The following SERINC5 variants were observed in gnomAD, a reference collection of about 807,000 sequenced individuals.
SERINC5 encodes serine incorporator 5.
A neutral mutation model predicts 63.1 loss-of-function variants in SERINC5; 41 were observed. The ratio of observed to expected loss-of-function variants is 0.65; its 90% CI spans 0.51 to 0.84. The LOEUF is 0.84. Among genes scored for constraint, SERINC5 ranks in the 40% least tolerant of loss-of-function variants. The pLI, the probability that SERINC5 is intolerant of heterozygous loss-of-function variation, is 0.00. For missense variants in SERINC5, 523 were observed against 573.0 expected (o/e 0.91, Z 0.89); for synonymous variants, 222 against 215.2 (o/e 1.03, Z -0.28).
chr5:80,209,462 C>G (rs1750331316), intron 1 of SERINC5, among the ~76,000 whole-genome samples: 1 of 152,162 alleles, frequency 6.6e-6, no homozygotes, highest in Non-Finnish European at 1.5e-5. Context: ...CTGGCCTTCA[C>G]AAGTGAGAAG....
In SERINC5 at chr5:80,202,383, G is replaced by A. The variant is rs79833683; in HGVS notation, c.195+503C>T. ...ACACAATCGTCTGACATAAACAGAC[G>A]ATTGTGATGGACAATGATGTGTCCA... On this transcript the variant is annotated intron_variant, in intron 2 of 11. Coordinates refer to ENST00000507668, the MANE Select transcript of SERINC5 (RefSeq NM_001174072.3). Among the ~76,000 whole-genome samples, 12 of 152,216 alleles carry A rather than the reference G, an allele frequency of 7.9e-5. No homozygotes were observed. The East Asian group carries it at 2.1e-3, about 27-fold the overall frequency.
intron 1 of SERINC5, among the ~76,000 whole-genome samples, chr5:80,220,239 G>C (rs1246749616): frequency 6.6e-6 from 1 of 151,560 alleles, no homozygotes; most frequent in Non-Finnish European, 1.5e-5. Flanking sequence ...AAAAGAGAGA[G>C]AGAGATAGAA....
chr5:80,161,502 GA>G (rs373399901), intron 7 of SERINC5, among the ~76,000 whole-genome samples: 2 of 151,586 alleles, frequency 1.3e-5, no homozygotes, highest in Non-Finnish European at 2.9e-5. Context: ...GTCTTCTTTA[GA>G]AAAAAAATGA....
chr5:80,169,629 C>T (rs1246793352), intron 5 of SERINC5, 83 bp from the exon 6 acceptor site: 6 of 1,084,938 alleles, frequency 5.5e-6, no homozygotes, highest in Non-Finnish European at 8.2e-6. Context: ...CAGTCACCAT[C>T]CCTCAGGCAG....
chr5:80,133,670 G>T (rs755373696), intron 11 of SERINC5, among the ~76,000 whole-genome samples: 8 of 152,160 alleles, frequency 5.3e-5, no homozygotes, highest in Non-Finnish European at 8.8e-5. Context: ...ACCGCCCAAC[G>T]AATTTTCCTT....
intron 11 of SERINC5, among the ~76,000 whole-genome samples, chr5:80,118,898 T>C (rs913702531): frequency 2.6e-5 from 4 of 151,872 alleles, no homozygotes; most frequent in African/African-American, 7.3e-5. Context: ...GAACTAATCA[T>C]CTCCCAAATA....
intron 1 of SERINC5, among the ~76,000 whole-genome samples, chr5:80,238,939 C>A (rs1432523183): frequency 4.6e-5 from 7 of 152,214 alleles, no homozygotes; most frequent in Non-Finnish European, 1.0e-4. Context: ...CTCATTCACG[C>A]TCTCGTCATT....
intron 7 of SERINC5, among the ~76,000 whole-genome samples, chr5:80,160,982 G>A (rs200258985): frequency 1.5e-5 from 2 of 132,988 alleles, no homozygotes; most frequent in Non-Finnish European, 3.2e-5. Flanking sequence ...ATGTATATAT[G>A]TGTGTATATG....
intron 11 of SERINC5, among the ~76,000 whole-genome samples, chr5:80,124,397 G>T (rs1348371779): frequency 1.3e-5 from 2 of 152,174 alleles, no homozygotes; most frequent in East Asian, 3.9e-4. Context: ...GCCTTTAAGT[G>T]TCTGCCAAAC....
intron 7 of SERINC5, among the ~76,000 whole-genome samples, chr5:80,160,855 A>G (rs1218869752): frequency 6.6e-6 from 1 of 151,918 alleles, no homozygotes; most frequent in Non-Finnish European, 1.5e-5. Context: ...TGTTGCTACA[A>G]AAGACAGGAT....
At chr5:80,230,459 A>G (rs2897062) in intron 1 of SERINC5, among the ~76,000 whole-genome samples, 35 of 128,602 alleles carry the variant, frequency 2.7e-4, no homozygotes, top group South Asian at 2.7e-3. Flanking sequence ...AAAAAAAAAA[A>G]AAAGAAACCA....
At chr5:80,152,205 T>C (rs1746234506) in intron 8 of SERINC5, among the ~76,000 whole-genome samples, 1 of 152,104 alleles carries the variant, frequency 6.6e-6, no homozygotes, top group South Asian at 2.1e-4. Flanking sequence ...TAATCCGACA[T>C]TTAAGAGTGG....
At chr5:80,209,858 G>C (rs1241049252) in intron 1 of SERINC5, among the ~76,000 whole-genome samples, 1 of 151,984 alleles carries the variant, frequency 6.6e-6, no homozygotes, top group African/African-American at 2.4e-5. Context: ...GCCCAGCCGG[G>C]GTAACATGGC....
chr5:80,124,286 C>T (rs1000589331), intron 11 of SERINC5, among the ~76,000 whole-genome samples: 1 of 152,222 alleles, frequency 6.6e-6, no homozygotes, highest in African/African-American at 2.4e-5. Flanking sequence ...GCATGCCGCA[C>T]TTCTAGCTGG....
intron 1 of SERINC5, among the ~76,000 whole-genome samples, chr5:80,248,858 G>T (rs186460237): frequency 6.0e-4 from 92 of 152,314 alleles, no homozygotes; most frequent in African/African-American, 2.0e-3. Flanking sequence ...TAAAGAAAAT[G>T]TTGAAAATGA....
chr5:80,253,115 A>G (rs1348458411), intron 1 of SERINC5, among the ~76,000 whole-genome samples: 1 of 152,166 alleles, frequency 6.6e-6, no homozygotes, highest in Non-Finnish European at 1.5e-5. Context: ...TCAGGCCAGA[A>G]ACCGAGCCTG....
At position 80,143,288 on chromosome 5, in the gene SERINC5, T is replaced by A; in HGVS notation, c.*375A>T. ...GCTGGGGACTCAAGATTTTGGCATG[T>A]TTTTCTATTCCGAGGATGAGAATGA... On this transcript the variant is annotated 3_prime_UTR_variant, in exon 12 of 12. Coordinates refer to ENST00000507668, the MANE Select transcript of SERINC5 (RefSeq NM_001174072.3). The A allele has an allele frequency of 9.9e-7, 1 of 1,005,368 alleles. No individual in the cohort carries two copies. The highest frequency in any genetic ancestry group is 1.2e-6 in the Non-Finnish European group (1 of 842,484). 62.3% of individuals were successfully genotyped at this position (1,005,368 alleles called of 1,614,324 possible).
chr5:80,222,569 AGT>A (rs1014120974), intron 1 of SERINC5, among the ~76,000 whole-genome samples: 9 of 132,150 alleles, frequency 6.8e-5, no homozygotes, highest in South Asian at 2.5e-4. Flanking sequence ...TGAGTGTGTG[AGT>A]GTGTGTGTGT....
chr5:80,129,037 ACT>A (rs1286327923), intron 11 of SERINC5: 1 of 152,228 alleles, frequency 6.6e-6, no homozygotes, highest in Admixed American at 6.5e-5. Context: ...CCAGAAAGAC[ACT>A]GATTGTCCAG....
Sources: allele counts gnomAD v4.1 joint callset (sites outside exome capture counted in the v4.1 genomes callset), GRCh38; gene constraint gnomAD v4.1.1; transcripts MANE v1.5; gene names NCBI Gene and HGNC (gene_info 2026-07-23, HGNC 2026-07-21).